The following UBXN1 variants were observed in gnomAD, a reference collection of about 807,000 sequenced individuals.
The protein encoded by UBXN1 is UBX domain protein 1.
UBXN1 carries 21 observed loss-of-function variants against 42.0 expected under a neutral mutation model. The ratio of observed to expected loss-of-function variants is 0.50; its 90% CI spans 0.35 to 0.72. The LOEUF (loss-of-function observed/expected upper bound fraction) is 0.72, where lower values mean the gene tolerates loss of function less well. Ranked by LOEUF, UBXN1 falls within the 30% of genes least tolerant of loss-of-function variation. The pLI, the probability that UBXN1 is intolerant of heterozygous loss-of-function variation, is 0.00. For missense variants in UBXN1, 374 were observed against 382.2 expected, an observed-to-expected ratio of 0.98 and a Z score of 0.18; for synonymous variants, 172 against 142.6, an observed-to-expected ratio of 1.21 and a Z score of -1.47.
chr11:62,678,858 C>T lies in UBXN1; in HGVS notation c.59+7G>A. The T allele has an allele frequency of 6.2e-7, 1 of 1,606,398 alleles. No individual in the cohort carries two copies. Among genetic ancestry groups the T allele is most frequent in the Non-Finnish European group, 8.5e-7 (1 of 1,177,900 alleles). ...ACCCGCAGGCCGGGGTTGGGGAACT[C>T]CCTTACGCGCGTCCCCTGGGGAAGC... On this transcript the variant is annotated splice_region_variant and intron_variant, in intron 1 of 8. Coordinates refer to ENST00000301935, the MANE Select transcript of UBXN1 (RefSeq NM_001286077.2).
In UBXN1 at chr11:62,678,572, A is replaced by G; in HGVS notation, c.143T>C (p.Val48Ala). 2.5e-6 allele frequency: 4 copies of G among 1,611,492 alleles called. No individual in the cohort carries two copies. The South Asian group carries it at 4.4e-5, about 18-fold the overall frequency. Residue 48 changes from valine to alanine, a missense_variant, in exon 3 of 9, where the codon GTG becomes GCG. Val to Ala is a moderately conservative substitution (Grantham distance 64, BLOSUM62 0). Transcript: ENST00000301935. ...WLMEHEDDPD[V>A]DEPLETPLGH... is the part of the protein sequence containing the mutation. The stretch of plus-strand genomic sequence containing the variant: ...AAGGGGAGTCTCTAAAGGCTCGTCC[A>G]CATCGGGGTCGTCTTCGTGCTCCAT...
At position 62,679,072 on chromosome 11, in the gene UBXN1, A is replaced by T; in HGVS notation, c.-149T>A. 1.2e-6 allele frequency: 1 copy of T among 840,816 alleles called. No individual in the cohort carries two copies. The highest frequency in any genetic ancestry group is 1.8e-6 in the Non-Finnish European group (1 of 553,962). The allele number at this position is 840,816 out of a possible 1,614,324, so 52.1% of individuals were successfully genotyped here. ...ATAGCAGCCGGGAACACCGACGAGA[A>T]GAAAGCCGAGGGGAAGCGGAAGTGC... is the stretch of plus-strand genomic sequence containing the variant. On this transcript the variant is annotated 5_prime_UTR_variant, in exon 1 of 9. Transcript: ENST00000301935.
intron 1 of UBXN1, 25 bp from the exon 2 acceptor site, chr11:62,678,768 G>C (rs369798084): frequency 6.2e-7 from 1 of 1,612,672 alleles, no homozygotes; most frequent in Non-Finnish European, 8.5e-7. Flanking sequence ...ACCATGAATA[G>C]CGCCCACGAG....
rs765742068 is a variant in UBXN1 at position 62,676,918 on chromosome 11, G to C, written c.739C>G (p.Arg247Gly). The C allele has an allele frequency of 2.5e-5, 40 of 1,613,502 alleles. No individual in the cohort carries two copies. The highest frequency in any genetic ancestry group is 3.2e-5 in the Non-Finnish European group (38 of 1,180,032). Residue 247 changes from arginine to glycine, a missense_variant, in exon 8 of 9, where the codon CGT (arginine) becomes GGT (glycine). Physicochemically the swap from Arg to Gly is moderately radical, Grantham distance 125. Transcript: ENST00000301935. ...AAVRLYVELH[R>G]GEELGGGQDP... ...TGGCCCCCACCTAGTTCCTCCCCAC[G>C]GTGGAGCTCCACATAGAGCCTCACA...
intron 8 of UBXN1, 36 bp downstream of exon 8, chr11:62,676,775 CCA>C (rs770268875): frequency 5.0e-6 from 8 of 1,614,084 alleles, no homozygotes; most frequent in Admixed American, 1.7e-5. Context: ...CCCTACTCCC[CCA>C]GTTTCTAGTC....
rs776465200 is a variant in UBXN1 at position 62,678,511 on chromosome 11, C to G, written c.204G>C (p.Glu68Asp). The change falls in exon 3 of 9, where the codon GAG becomes GAC. Residue 68 changes from glutamate (E) to aspartate (D), a missense_variant. By Grantham distance (45) the Glu-to-Asp change is conservative. Transcript: ENST00000301935. ...AGTCAGGACCTTCAAGGCCGCCTTG[C>G]TCTGAGGAAGTGGGCTCCCGTCCCA... ...HILGREPTSSEQGGLEGSGSA... is the reference protein window; with the variant it reads ...HILGREPTSSDQGGLEGSGSA... 1 of 1,611,936 alleles carries G rather than the reference C, an allele frequency of 6.2e-7. No individual in the cohort carries two copies. The highest frequency in any genetic ancestry group is 8.5e-7 in the Non-Finnish European group (1 of 1,178,904).
At chr11:62,678,474 C>T in intron 3 of UBXN1, 21 bp downstream of exon 3, 2 of 1,612,890 alleles carry the variant, frequency 1.2e-6, no homozygotes, top group East Asian at 2.2e-5. Context: ...AATAATCACA[C>T]CGTGGACCCT....
intron 7 of UBXN1, 181 bp from the exon 8 acceptor site, chr11:62,677,186 C>T: frequency 1.5e-6 from 1 of 673,994 alleles, no homozygotes; most frequent in South Asian, 2.0e-5. Flanking sequence ...GAGAGACTCC[C>T]AGCTCCCTCA....
Position 62,677,602 on chromosome 11 carries a change from T to C in UBXN1, c.567A>G (p.Pro189=). The C allele has an allele frequency of 6.2e-7, 1 of 1,613,166 alleles. No homozygotes were observed. Among genetic ancestry groups the C allele is most frequent in the Non-Finnish European group, 8.5e-7 (1 of 1,179,648 alleles). Reference sequence around the variant, plus strand: ...GAACAGGACCTGGCTCTGGTGCCACTGGGGGTGGCTGAGAGCCCACACTGC... The same window carrying C: ...GAACAGGACCTGGCTCTGGTGCCACCGGGGGTGGCTGAGAGCCCACACTGC... The part of the protein sequence containing the change: ...YGGSVGSQPP[P]VAPEPGPVPS... Residue 189 remains proline (P), a synonymous_variant, in exon 7 of 9, where the codon CCA becomes CCG. Coordinates refer to ENST00000301935, the MANE Select transcript of UBXN1 (RefSeq NM_001286077.2).
Position 62,679,011 on chromosome 11 carries a change from A to G in UBXN1, c.-88T>C. ...CAGCGCGAGGCAACCCGCCCTCGAC[A>G]CCCGCCGACGGGCGCTCGCTCTCTC... On this transcript the variant is annotated 5_prime_UTR_variant, in exon 1 of 9. Coordinates refer to ENST00000301935, the MANE Select transcript of UBXN1 (RefSeq NM_001286077.2). 1 of 1,420,980 alleles carries G rather than the reference A, an allele frequency of 7.0e-7. No individual in the cohort carries two copies. The highest frequency in any genetic ancestry group is 9.4e-7 in the Non-Finnish European group (1 of 1,058,712). 88.0% of individuals were successfully genotyped at this position (1,420,980 alleles called of 1,614,324 possible).
chr11:62,677,094 T>A, intron 7 of UBXN1, 89 bp from the exon 8 acceptor site: 2 of 1,420,324 alleles, frequency 1.4e-6, no homozygotes, highest in Non-Finnish European at 1.9e-6. Context: ...TGGGCCCCCT[T>A]CTTCTTAGAT....
intron 4 of UBXN1, 27 bp from the exon 5 acceptor site, chr11:62,678,145 A>G: frequency 6.2e-7 from 1 of 1,612,388 alleles, no homozygotes; most frequent in Non-Finnish European, 8.5e-7. Context: ...AAACAGTTCA[A>G]GAGAAATGGA....
At chr11:62,678,775 C>T in intron 1 of UBXN1, 32 bp from the exon 2 acceptor site, 2 of 1,612,384 alleles carry the variant, frequency 1.2e-6, no homozygotes, top group Non-Finnish European at 8.5e-7. Context: ...ATAGCGCCCA[C>T]GAGCCATGGT....
At position 62,678,416 on chromosome 11, in the gene UBXN1, C is replaced by G. The variant is rs1945075257; in HGVS notation, c.221-8G>C. ...CGGCAGCAGAACCAGATCCTACAAA[C>G]AAACAATCGGTATTATTATCCCTTC... On this transcript the variant is annotated splice_region_variant and splice_polypyrimidine_tract_variant and intron_variant, in intron 3 of 8. Coordinates refer to ENST00000301935, the MANE Select transcript of UBXN1 (RefSeq NM_001286077.2). 1.9e-6 allele frequency: 3 copies of G among 1,614,024 alleles called. No homozygotes were observed. Among genetic ancestry groups the G allele is most frequent in the Non-Finnish European group, 1.7e-6 (2 of 1,180,036 alleles).
rs1437411065 is a variant in UBXN1, at chr11:62,678,130, A to C, written c.291-12T>G. 1.9e-6 allele frequency: 3 copies of C among 1,612,990 alleles called. No individual in the cohort carries two copies. The Admixed American group carries it at 5.0e-5, about 27-fold the overall frequency. Reference sequence around the variant, plus strand: ...CCAGCTCCAACATCCTGTGTTGCCGAGGGAAAACAGTTCAAGAGAAATGGA... The same window carrying C: ...CCAGCTCCAACATCCTGTGTTGCCGCGGGAAAACAGTTCAAGAGAAATGGA... On this transcript the variant is annotated splice_polypyrimidine_tract_variant and intron_variant, in intron 4 of 8. Coordinates refer to ENST00000301935, the MANE Select transcript of UBXN1 (RefSeq NM_001286077.2).
chr11:62,678,269 C>T (rs773793618), intron 4 of UBXN1, 70 bp downstream of exon 4: 1 of 1,611,512 alleles, frequency 6.2e-7, no homozygotes, highest in African/African-American at 1.3e-5. Context: ...GGTCAAGGTT[C>T]TTTGACCAGA....
At position 62,677,914 on chromosome 11, in the gene UBXN1, C is replaced by T; in HGVS notation, c.482+13G>A. The T allele has an allele frequency of 6.2e-7, 1 of 1,614,020 alleles. No individual in the cohort carries two copies. The highest frequency in any genetic ancestry group is 1.1e-5 in the South Asian group (1 of 91,084). On this transcript the variant is annotated intron_variant, in intron 5 of 8. Coordinates refer to ENST00000301935, the MANE Select transcript of UBXN1 (RefSeq NM_001286077.2). ...CTTTCTCATCTGCTATCCATCATTT[C>T]CCCTGCCCAGACCTGGCTGCTAACT... is the stretch of plus-strand genomic sequence containing the variant.
rs759343445 is a variant in UBXN1, at chr11:62,676,502, C to G, written c.*88G>C. The G allele has an allele frequency of 5.6e-5, 83 of 1,475,406 alleles. No homozygotes were observed. The highest frequency in any genetic ancestry group is 7.2e-5 in the Non-Finnish European group (78 of 1,090,770). The allele number at this position is 1,475,406 out of a possible 1,614,324, so 91.4% of individuals were successfully genotyped here. On this transcript the variant is annotated 3_prime_UTR_variant, in exon 9 of 9. Coordinates refer to ENST00000301935, the MANE Select transcript of UBXN1 (RefSeq NM_001286077.2). ...CATTCAGGAAGGAGTCAGGCATGTA[C>G]AGAACTCAGGGTCTATTTATTAGGA... is the stretch of plus-strand genomic sequence containing the variant.
chr11:62,677,501 A>C lies in UBXN1; in HGVS notation c.651+17T>G. 1 of 1,613,336 alleles carries C rather than the reference A, an allele frequency of 6.2e-7. No individual in the cohort carries two copies. Among genetic ancestry groups the C allele is most frequent in the Non-Finnish European group, 8.5e-7 (1 of 1,179,244 alleles). Reference sequence around the variant, plus strand: ...ACAAAGGGGTCCCAAGAGGAAGATAAGAATTAGAATCAGTACCTGTATGCG... The same window carrying C: ...ACAAAGGGGTCCCAAGAGGAAGATACGAATTAGAATCAGTACCTGTATGCG... On this transcript the variant is annotated intron_variant, in intron 7 of 8. Transcript: ENST00000301935.
Sources: allele counts gnomAD v4.1 joint callset, GRCh38; gene constraint gnomAD v4.1.1; transcripts MANE v1.5; gene names NCBI Gene and HGNC (gene_info 2026-07-23, HGNC 2026-07-21).